Variants in GAB2 observed in about 807,000 individuals in gnomAD.
GAB2 encodes the protein GRB2-associated-binding protein 2.
In GAB2, 26 loss-of-function variants were observed where a neutral mutation model predicts 65.5. The ratio of observed to expected loss-of-function variants is 0.40; its 90% CI spans 0.29 to 0.55. The LOEUF (loss-of-function observed/expected upper bound fraction) is 0.55, where lower values mean the gene tolerates loss of function less well. Ranked by LOEUF, GAB2 falls within the 20% of genes least tolerant of loss-of-function variation. The pLI, the probability that GAB2 is intolerant of heterozygous loss-of-function variation, is 0.53. For missense variants in GAB2, 884 were observed against 875.8 expected, an observed-to-expected ratio of 1.01 and a Z score of -0.12; for synonymous variants, 321 against 329.6, an observed-to-expected ratio of 0.97 and a Z score of 0.28.
In GAB2 at chr11:78,219,156, G is replaced by A; in HGVS notation, c.*116C>T. The A allele has an allele frequency of 1.0e-6, 1 of 996,918 alleles. No homozygotes were observed. The highest frequency in any genetic ancestry group is 1.5e-5 in the South Asian group (1 of 65,400). 61.8% of individuals were successfully genotyped at this position (996,918 alleles called of 1,614,324 possible). A position where few individuals can be genotyped will look rare whatever the true frequency, so the allele number is the denominator to read the frequency against. On this transcript the variant is annotated 3_prime_UTR_variant, in exon 10 of 10. Coordinates refer to ENST00000361507, the MANE Select transcript of GAB2 (RefSeq NM_080491.3). ...CCTGATGTCAAGTGCTTTGAAGGCT[G>A]AGACTGGCAGAGTAGAGAGGAGGTG...
At chr11:78,380,162 T>C (rs993264922) in intron 1 of GAB2, among the ~76,000 whole-genome samples, 1 of 152,230 alleles carries the variant, frequency 6.6e-6, no homozygotes, top group Non-Finnish European at 1.5e-5. Flanking sequence ...AAGGTATTTA[T>C]TCCCCTGCTT....
chr11:78,226,850 G>A lies in GAB2; in HGVS notation c.822C>T (p.Ser274=), dbSNP rs1395062027. 1.2e-6 allele frequency: 2 copies of A among 1,613,944 alleles called. No homozygotes were observed. The highest frequency in any genetic ancestry group is 1.7e-6 in the Non-Finnish European group (2 of 1,179,832). ...TGAGGCTGCCCTTGGTGTGGCCATG[G>A]GAGGCCAGGCTGCGGGGGAGGTCGT... ...STYDLPRSLA[S]HGHTKGSLTG... The change falls in exon 4 of 10, where the codon TCC becomes TCT. Residue 274 remains serine (S), a synonymous_variant. Transcript: ENST00000361507.
At chr11:78,288,958 G>A (rs538712594) in intron 1 of GAB2, among the ~76,000 whole-genome samples, 19 of 152,214 alleles carry the variant, frequency 1.2e-4, no homozygotes, top group Non-Finnish European at 2.1e-4. Flanking sequence ...TAGCACTGGC[G>A]AAGAGACAGA....
At chr11:78,267,704 A>G (rs1380935713) in intron 2 of GAB2, among the ~76,000 whole-genome samples, 1 of 151,714 alleles carries the variant, frequency 6.6e-6, no homozygotes, top group Admixed American at 6.6e-5. Flanking sequence ...TAAAAATACA[A>G]AAAATTAGCC....
intron 1 of GAB2, among the ~76,000 whole-genome samples, chr11:78,300,721 G>C (rs1230238014): frequency 7.6e-6 from 1 of 132,018 alleles, no homozygotes; most frequent in Non-Finnish European, 1.5e-5. Context: ...TTGAGACAGA[G>C]CCTCACTCTG....
intron 1 of GAB2, among the ~76,000 whole-genome samples, chr11:78,397,920 G>A (rs1317697311): frequency 6.6e-6 from 1 of 152,078 alleles, no homozygotes; most frequent in African/African-American, 2.4e-5. Flanking sequence ...CAGGCACAGT[G>A]GTGCACCTAT....
At position 78,358,253 on chromosome 11, in the gene GAB2, C is replaced by G. The variant is rs1856386342; in HGVS notation, c.75+59393G>C. The stretch of plus-strand genomic sequence containing the variant: ...AGGTGGGAATTGAACAATGAGAACA[C>G]TTGGACACAGGAAGGGGAACATCAC... On this transcript the variant is annotated intron_variant, in intron 1 of 9. Transcript: ENST00000361507. 2.3e-5 allele frequency among the ~76,000 whole-genome samples: 3 copies of G among 132,352 alleles called. No homozygotes were observed. In the Admixed American group the frequency reaches 2.8e-4, roughly 12 times the overall value. The allele number at this position is 132,352 out of a possible 152,430, so 86.8% of individuals were successfully genotyped here.
intron 2 of GAB2, among the ~76,000 whole-genome samples, chr11:78,268,386 C>T (rs528373110): frequency 1.3e-5 from 2 of 152,184 alleles, no homozygotes; most frequent in South Asian, 2.1e-4. Flanking sequence ...TACACATAAC[C>T]GGATGTTTAA....
chr11:78,228,541 G>A (rs1222283547), intron 3 of GAB2, among the ~76,000 whole-genome samples: 1 of 152,186 alleles, frequency 6.6e-6, no homozygotes, highest in African/African-American at 2.4e-5. Flanking sequence ...AGCTCCTGAG[G>A]AGTTTGTTAT....
rs35001332 is a variant in GAB2 at position 78,215,769 on chromosome 11, A to AC, written c.*3502dup. 0.24 allele frequency: 36,559 copies of AC among 151,976 alleles called. 4,856 individuals carry two copies. The highest frequency in any genetic ancestry group is 0.41 in the East Asian group (2,116 of 5,122). 9.4% of individuals were successfully genotyped at this position (151,976 alleles called of 1,614,324 possible). ...CAGCAGGGCTAGTCCCAGAAAGACG[A>AC]CCCCCCACGGAAGGGCTTTAGCGCT... On this transcript the variant is annotated 3_prime_UTR_variant, in exon 10 of 10. Coordinates refer to ENST00000361507, the MANE Select transcript of GAB2 (RefSeq NM_080491.3).
At position 78,278,780 on chromosome 11, in the gene GAB2, G is replaced by A. The variant is rs189829883; in HGVS notation, c.376+1821C>T. Among the ~76,000 whole-genome samples the A allele has an allele frequency of 5.3e-3, 808 of 151,870 alleles. 4 individuals carry two copies. Among genetic ancestry groups the A allele is most frequent in the Middle Eastern group, 0.017 (5 of 294 alleles). On this transcript the variant is annotated intron_variant, in intron 2 of 9. Transcript: ENST00000361507. ...CTGTCATCCAGGCTGGAGTGCAGTG[G>A]TGTGATCACAGCTCACTGCAACCTT...
intron 1 of GAB2, among the ~76,000 whole-genome samples, chr11:78,399,943 T>C (rs568718013): frequency 6.6e-6 from 1 of 152,312 alleles, no homozygotes; most frequent in East Asian, 1.9e-4. Context: ...GCCTTTGAAA[T>C]ACTGAGAGGT....
intron 1 of GAB2, among the ~76,000 whole-genome samples, chr11:78,311,182 T>C (rs1239696901): frequency 2.0e-5 from 3 of 152,204 alleles, no homozygotes; most frequent in Non-Finnish European, 4.4e-5. Flanking sequence ...AAAAATAATT[T>C]ACTAAATGAA....
Position 78,223,531 on chromosome 11 carries a change from G to T in GAB2, c.1448C>A (p.Ala483Asp). 1.2e-6 allele frequency: 2 copies of T among 1,613,372 alleles called. No individual in the cohort carries two copies. Among genetic ancestry groups the T allele is most frequent in the Non-Finnish European group, 1.7e-6 (2 of 1,179,638 alleles). The change falls in exon 6 of 10, where the codon GCC (alanine) becomes GAC (aspartate). Residue 483 changes from alanine to aspartate, a missense_variant. Ala to Asp is a moderately radical substitution (Grantham distance 126). Transcript: ENST00000361507. ...GTAGCCAAGTGAGTCAAAGTGATGGGCCCCTGGGCTCATTGGGATGTAGAC... is the reference window on the plus strand; with the variant it reads ...GTAGCCAAGTGAGTCAAAGTGATGGTCCCCTGGGCTCATTGGGATGTAGAC... The part of the protein sequence containing the change: ...QSVYIPMSPG[A>D]HHFDSLGYPS...
At chr11:78,338,285 G>T (rs1856035976) in intron 1 of GAB2, among the ~76,000 whole-genome samples, 1 of 152,136 alleles carries the variant, frequency 6.6e-6, no homozygotes, top group African/African-American at 2.4e-5. Flanking sequence ...CCTGGTAACT[G>T]GAGGTATCCA....
Position 78,219,227 on chromosome 11 carries a change from C to G in GAB2, c.*45G>C, listed in dbSNP as rs1864295726. On this transcript the variant is annotated 3_prime_UTR_variant, in exon 10 of 10. Coordinates refer to ENST00000361507, the MANE Select transcript of GAB2 (RefSeq NM_080491.3). ...AGGGGAGAGGGGAGATGGGAAGGGC[C>G]AGCTCTGGAGATGCTGCCTCCTGGG... 6 of 1,589,388 alleles carry G rather than the reference C, an allele frequency of 3.8e-6. No homozygotes were observed. Among genetic ancestry groups the G allele is most frequent in the Non-Finnish European group, 5.2e-6 (6 of 1,163,020 alleles).
chr11:78,394,545 G>A (rs1296659310), intron 1 of GAB2, among the ~76,000 whole-genome samples: 1 of 152,210 alleles, frequency 6.6e-6, no homozygotes, highest in Non-Finnish European at 1.5e-5. Context: ...AAGGTTTGGG[G>A]TAATAACTTT....
At chr11:78,222,249 TACAC>T in intron 6 of GAB2, 54 bp from the exon 7 acceptor site, 1 of 1,089,658 alleles carries the variant, frequency 9.2e-7, no homozygotes, top group Non-Finnish European at 1.4e-6. Context: ...ATGCTACACA[TACAC>T]ACCTTATATA....
intron 2 of GAB2, among the ~76,000 whole-genome samples, chr11:78,267,738 G>T (rs1865905499): frequency 6.6e-6 from 1 of 151,542 alleles, no homozygotes; most frequent in East Asian, 1.9e-4. Flanking sequence ...GGCACCTGTA[G>T]TCCCAGCTAC....
Sources: gnomAD v4.1 joint callset for allele counts (sites outside exome capture counted in the v4.1 genomes callset) on GRCh38, gnomAD v4.1.1 for gene constraint, MANE v1.5 for transcripts, NCBI Gene and HGNC (gene_info 2026-07-23, HGNC 2026-07-21) for gene names.